Variants in CALM3 observed in about 807,000 individuals in gnomAD.
CALM3 encodes calmodulin-3.
In CALM3, 5 loss-of-function variants were observed where a neutral mutation model predicts 20.1. That is an observed-to-expected ratio of 0.25 (90% CI 0.13 to 0.52). The LOEUF is 0.52. CALM3 is among the 20% of genes least tolerant of loss of function. The pLI, the probability that CALM3 is intolerant of heterozygous loss-of-function variation, is 0.96. For synonymous variants in CALM3, 69 were observed against 68.1 expected (o/e 1.01, Z -0.06); for missense variants, 57 against 192.8 (o/e 0.30, Z 4.17).
Position 46,609,341 on chromosome 19 carries a change from C to G in CALM3, c.*188C>G. 1.5e-6 allele frequency: 1 copy of G among 650,100 alleles called. No homozygotes were observed. 40.3% of individuals were successfully genotyped at this position (650,100 alleles called of 1,614,324 possible). ...TGCTCTTTCTCCTTCTTCCCTGAGT[C>G]TCTCTCCATGCCCCTCATCTCTTCC... On this transcript the variant is annotated 3_prime_UTR_variant, in exon 6 of 6. Coordinates refer to ENST00000291295, the MANE Select transcript of CALM3 (RefSeq NM_005184.4).
chr19:46,601,313 CG>C (rs1971608281), upstream of CALM3: 5 of 913,220 alleles, frequency 5.5e-6, no homozygotes, highest in South Asian at 3.0e-5. The surrounding 1 kb of genome is among the most constrained non-coding windows in gnomAD (Gnocchi z 4.2). Flanking sequence ...GCGGCGGCGG[CG>C]GCGCGCGCTG....
chr19:46,608,625 C>T lies in CALM3; in HGVS notation c.285+37C>T, dbSNP rs368015939. 27 of 1,530,176 alleles carry T rather than the reference C, an allele frequency of 1.8e-5. No homozygotes were observed. The Middle Eastern group carries it at 5.1e-4, about 29-fold the overall frequency. 94.8% of individuals were successfully genotyped at this position (1,530,176 alleles called of 1,614,324 possible). ...TCTCCAGGGGCGGCTCTGAGACTGA[C>T]GCCAGCCTTCAGGCAGACAGGCGGA... is the stretch of plus-strand genomic sequence containing the variant. On this transcript the variant is annotated intron_variant, in intron 4 of 5. Transcript: ENST00000291295. This position sits in a 1 kb window ranked among gnomAD's most constrained non-coding sequence, Gnocchi z 5.5.
In CALM3 at chr19:46,601,390, CG is replaced by C; in HGVS notation, c.-43del. 1 of 1,504,052 alleles carries C rather than the reference CG, an allele frequency of 6.6e-7. No homozygotes were observed. Among genetic ancestry groups the C allele is most frequent in the East Asian group, 2.8e-5 (1 of 35,542 alleles). The allele number at this position is 1,504,052 out of a possible 1,614,324, so 93.2% of individuals were successfully genotyped here. On this transcript the variant is annotated 5_prime_UTR_variant, in exon 1 of 6. Transcript: ENST00000291295. The surrounding 1 kb of genome is among the most constrained non-coding windows in gnomAD (Gnocchi z 4.2). ...GAACTGCTGCAGCTGCTGCCGCCGC[CG>C]GAGGAACCTTGATCCCCGTGCTCCG... is the stretch of plus-strand genomic sequence containing the variant.
At chr19:46,602,328 AT>A in intron 1 of CALM3, 1 of 614,756 alleles carries the variant, frequency 1.6e-6, no homozygotes, top group Non-Finnish European at 2.5e-6. Context: ...GAAAGACAGA[AT>A]TTTTTTAACG....
chr19:46,601,453 G>T lies in CALM3; in HGVS notation c.3+16G>T. 1 of 1,494,612 alleles carries T rather than the reference G, an allele frequency of 6.7e-7. No homozygotes were observed. 92.6% of individuals were successfully genotyped at this position (1,494,612 alleles called of 1,614,324 possible). A position where few individuals can be genotyped will look rare whatever the true frequency, so the allele number is the denominator to read the frequency against. On this transcript the variant is annotated intron_variant, in intron 1 of 5. Coordinates refer to ENST00000291295, the MANE Select transcript of CALM3 (RefSeq NM_005184.4). The surrounding 1 kb of genome is among the most constrained non-coding windows in gnomAD (Gnocchi z 4.2). Reference sequence around the variant, plus strand: ...CCTCGCCATGGTGAGTGAGGCTGGGGGGTCGCCGAGGCTGCGGGCTCTGAG... The same window carrying T: ...CCTCGCCATGGTGAGTGAGGCTGGGTGGTCGCCGAGGCTGCGGGCTCTGAG...
Position 46,601,526 on chromosome 19 carries a change from TG to T in CALM3, c.3+95del. The stretch of plus-strand genomic sequence containing the variant: ...CCTGAGGGGGCGACAGAGCCCAGAG[TG>T]GGGGGCGTCCGGGCCCGGCGAGAGC... On this transcript the variant is annotated intron_variant, in intron 1 of 5. Transcript: ENST00000291295. The surrounding 1 kb of genome is among the most constrained non-coding windows in gnomAD (Gnocchi z 4.2). 2 of 1,224,442 alleles carry T rather than the reference TG, an allele frequency of 1.6e-6. No individual in the cohort carries two copies. The highest frequency in any genetic ancestry group is 1.1e-6 in the Non-Finnish European group (1 of 949,272). 75.8% of individuals were successfully genotyped at this position (1,224,442 alleles called of 1,614,324 possible).
Position 46,605,970 on chromosome 19 carries a change from C to T in CALM3, c.34+113C>T. 1.1e-6 allele frequency: 1 copy of T among 925,788 alleles called. No homozygotes were observed. The highest frequency in any genetic ancestry group is 1.4e-5 in the South Asian group (1 of 73,974). 57.3% of individuals were successfully genotyped at this position (925,788 alleles called of 1,614,324 possible). A position where few individuals can be genotyped will look rare whatever the true frequency, so the allele number is the denominator to read the frequency against. On this transcript the variant is annotated intron_variant, in intron 2 of 5. Transcript: ENST00000291295. This position sits in a 1 kb window ranked among gnomAD's most constrained non-coding sequence, Gnocchi z 4.1. ...GTGAACCTGTGTATCCCTTGTGTCA[C>T]CTAACACTATGCCTTGTGCCTAGAA...
In CALM3 at chr19:46,608,805, GGGA is replaced by G. The variant is rs1971801696; in HGVS notation, c.286-39_286-37del. 12 of 1,531,710 alleles carry G rather than the reference GGGA, an allele frequency of 7.8e-6. No individual in the cohort carries two copies. The highest frequency in any genetic ancestry group is 1.4e-5 in the African/African-American group (1 of 72,416). 94.9% of individuals were successfully genotyped at this position (1,531,710 alleles called of 1,614,324 possible). On this transcript the variant is annotated intron_variant, in intron 4 of 5. Transcript: ENST00000291295. The surrounding 1 kb of genome is among the most constrained non-coding windows in gnomAD (Gnocchi z 5.5). ...CCCTCTCACTGCCTCTCTCCCCACC[GGGA>G]GAAGTGCCCAGTGAAAGGCTTTATC...
chr19:46,609,513 T>C lies in CALM3; in HGVS notation c.*360T>C. On this transcript the variant is annotated 3_prime_UTR_variant, in exon 6 of 6. Transcript: ENST00000291295. ...TTGGTTTGTTTCCTCTTGTTTGTCA[T>C]CTTATTTTGGGTGCTGGGGTGGCTG... is the stretch of plus-strand genomic sequence containing the variant. The C allele has an allele frequency of 3.2e-6, 1 of 314,446 alleles. No individual in the cohort carries two copies. Among genetic ancestry groups the C allele is most frequent in the Non-Finnish European group, 6.0e-6 (1 of 167,874 alleles). The allele number at this position is 314,446 out of a possible 1,614,324, so 19.5% of individuals were successfully genotyped here. A position where few individuals can be genotyped will look rare whatever the true frequency, so the allele number is the denominator to read the frequency against.
chr19:46,605,877 C>T lies in CALM3; in HGVS notation c.34+20C>T, dbSNP rs1328233789. On this transcript the variant is annotated intron_variant, in intron 2 of 5. Coordinates refer to ENST00000291295, the MANE Select transcript of CALM3 (RefSeq NM_005184.4). The surrounding 1 kb of genome is among the most constrained non-coding windows in gnomAD (Gnocchi z 4.1). ...TTGCAGGTGAGTCTGCTATCCCCCT[C>T]ATCTTAGCTCAGGAAAGCCTCCACA... 3 of 1,613,292 alleles carry T rather than the reference C, an allele frequency of 1.9e-6. No individual in the cohort carries two copies. Among genetic ancestry groups the T allele is most frequent in the Middle Eastern group, 1.7e-4 (1 of 6,060 alleles).
Position 46,608,145 on chromosome 19 carries a change from G to C in CALM3, c.35-52G>C. The C allele has an allele frequency of 6.3e-7, 1 of 1,577,228 alleles. No homozygotes were observed. The highest frequency in any genetic ancestry group is 8.6e-7 in the Non-Finnish European group (1 of 1,157,740). ...GAAGGCATCCAGCATCCAGAGGTAA[G>C]GATTCTCCTGTGGACCTTGTGACCT... On this transcript the variant is annotated intron_variant, in intron 2 of 5. Coordinates refer to ENST00000291295, the MANE Select transcript of CALM3 (RefSeq NM_005184.4). The surrounding 1 kb of genome is among the most constrained non-coding windows in gnomAD (Gnocchi z 5.5).
Position 46,608,170 on chromosome 19 carries a change from TCTGA to T in CALM3, c.35-24_35-21del, listed in dbSNP as rs1568665988. ...GGATTCTCCTGTGGACCTTGTGACCTCTGACTCCTCCCCCTTCTTCCCCCAGAGT... is the reference window on the plus strand; with the variant it reads ...GGATTCTCCTGTGGACCTTGTGACCTCTCCTCCCCCTTCTTCCCCCAGAGT... On this transcript the variant is annotated intron_variant, in intron 2 of 5. Coordinates refer to ENST00000291295, the MANE Select transcript of CALM3 (RefSeq NM_005184.4). This position sits in a 1 kb window ranked among gnomAD's most constrained non-coding sequence, Gnocchi z 5.5. 6 of 1,608,252 alleles carry T rather than the reference TCTGA, an allele frequency of 3.7e-6. No homozygotes were observed. In the South Asian group the frequency reaches 6.6e-5, roughly 18 times the overall value.
chr19:46,607,500 C>T (rs1971766766), intron 2 of CALM3, among the ~76,000 whole-genome samples: 1 of 152,202 alleles, frequency 6.6e-6, no homozygotes, highest in Admixed American at 6.5e-5. Context: ...TGATGCGGCC[C>T]CAGCTGTGGC....
Position 46,601,452 on chromosome 19 carries a change from G to A in CALM3, c.3+15G>A. 1 of 1,495,322 alleles carries A rather than the reference G, an allele frequency of 6.7e-7. No homozygotes were observed. The highest frequency in any genetic ancestry group is 8.9e-7 in the Non-Finnish European group (1 of 1,122,796). The allele number at this position is 1,495,322 out of a possible 1,614,324, so 92.6% of individuals were successfully genotyped here. ...GCCTCGCCATGGTGAGTGAGGCTGG[G>A]GGGTCGCCGAGGCTGCGGGCTCTGA... is the stretch of plus-strand genomic sequence containing the variant. On this transcript the variant is annotated intron_variant, in intron 1 of 5. Transcript: ENST00000291295. This position sits in a 1 kb window ranked among gnomAD's most constrained non-coding sequence, Gnocchi z 4.2.
rs1343302286 is a variant in CALM3, at chr19:46,607,936, C to T, written c.35-261C>T. 7.4e-6 allele frequency: 3 copies of T among 403,860 alleles called. No homozygotes were observed. In the South Asian group the frequency reaches 1.3e-4, roughly 18 times the overall value. 25.0% of individuals were successfully genotyped at this position (403,860 alleles called of 1,614,324 possible). A position where few individuals can be genotyped will look rare whatever the true frequency, so the allele number is the denominator to read the frequency against. ...AGGACAGCTGTCAGACCATTTTCCC[C>T]ACTGTCTTCACTGGCTGGCCAGAAA... is the stretch of plus-strand genomic sequence containing the variant. On this transcript the variant is annotated intron_variant, in intron 2 of 5. Coordinates refer to ENST00000291295, the MANE Select transcript of CALM3 (RefSeq NM_005184.4).
At position 46,610,189 on chromosome 19, in the gene CALM3, C is replaced by T. The variant is rs192964295; in HGVS notation, c.*1036C>T. 3.7e-3 allele frequency: 571 copies of T among 152,760 alleles called. 4 individuals are homozygous for T. Among genetic ancestry groups the T allele is most frequent in the Non-Finnish European group, 4.3e-3 (292 of 68,070 alleles). 9.5% of individuals were successfully genotyped at this position (152,760 alleles called of 1,614,324 possible). A position where few individuals can be genotyped will look rare whatever the true frequency, so the allele number is the denominator to read the frequency against. ...ATAAAACAGTCTTGTCGGCCAGCTG[C>T]CCAGGGGACGGCAGCTACAGCAGCC... On this transcript the variant is annotated 3_prime_UTR_variant, in exon 6 of 6. Transcript: ENST00000291295.
At chr19:46,601,076 G>A, upstream of CALM3, 1 of 1,228,816 alleles carries the variant, frequency 8.1e-7, no homozygotes, top group Non-Finnish European at 1.1e-6. The surrounding 1 kb of genome is among the most constrained non-coding windows in gnomAD (Gnocchi z 4.2). Flanking sequence ...CGGGGCGCGC[G>A]GCGAGGGAAA....
At chr19:46,606,706 C>T (rs1568665070) in intron 2 of CALM3, among the ~76,000 whole-genome samples, 1 of 152,132 alleles carries the variant, frequency 6.6e-6, no homozygotes, top group Non-Finnish European at 1.5e-5. Flanking sequence ...TTTTTCTAAC[C>T]CCTCCAAAAC....
rs1376075615 is a variant in CALM3, at chr19:46,609,510, T to TC, written c.*358dup. 1 of 322,526 alleles carries TC rather than the reference T, an allele frequency of 3.1e-6. No individual in the cohort carries two copies. The highest frequency in any genetic ancestry group is 4.9e-5 in the Admixed American group (1 of 20,538). 20.0% of individuals were successfully genotyped at this position (322,526 alleles called of 1,614,324 possible). A position where few individuals can be genotyped will look rare whatever the true frequency, so the allele number is the denominator to read the frequency against. On this transcript the variant is annotated 3_prime_UTR_variant, in exon 6 of 6. Coordinates refer to ENST00000291295, the MANE Select transcript of CALM3 (RefSeq NM_005184.4). ...ATTTTGGTTTGTTTCCTCTTGTTTG[T>TC]CATCTTATTTTGGGTGCTGGGGTGG... is the stretch of plus-strand genomic sequence containing the variant.
Sources: gnomAD v4.1 joint callset for allele counts (sites outside exome capture counted in the v4.1 genomes callset) on GRCh38, gnomAD v4.1.1 for gene constraint, Gnocchi (gnomAD v3.1) non-coding constraint, MANE v1.5 for transcripts, NCBI Gene and HGNC (gene_info 2026-07-23, HGNC 2026-07-21) for gene names.